SSBP3: variants seen among roughly 807,000 people sequenced by gnomAD.
SSBP3 encodes single-stranded DNA-binding protein 3.
SSBP3 carries 5 observed loss-of-function variants against 69.6 expected under a neutral mutation model. The ratio of observed to expected loss-of-function variants is 0.07; its 90% confidence interval spans 0.04 to 0.15. SSBP3 has a LOEUF of 0.15. Ranked by LOEUF, SSBP3 falls within the 10% of genes least tolerant of loss-of-function variation. The pLI is 1.00. For missense variants in SSBP3, 312 were observed against 534.0 expected (o/e 0.58, Z 4.10); for synonymous variants, 196 against 193.4 (o/e 1.01, Z -0.11).
intron 4 of SSBP3, among the ~76,000 whole-genome samples, chr1:54,358,035 A>C (rs935923198): frequency 1.3e-5 from 2 of 152,204 alleles, no homozygotes; most frequent in African/African-American, 4.8e-5. Context: ...CTGAGACAGC[A>C]CCTCAATAGC....
chr1:54,290,790 CAAGG>C (rs1645591078), intron 4 of SSBP3, among the ~76,000 whole-genome samples: 1 of 152,222 alleles, frequency 6.6e-6, no homozygotes, highest in Non-Finnish European at 1.5e-5. Context: ...GCATGCAAGA[CAAGG>C]AAGATTAAGG....
At chr1:54,341,980 G>C (rs1389940743) in intron 4 of SSBP3, among the ~76,000 whole-genome samples, 1 of 152,234 alleles carries the variant, frequency 6.6e-6, no homozygotes, top group Non-Finnish European at 1.5e-5. Flanking sequence ...GAGGAGGCTG[G>C]AGGGCAAAGT....
At position 54,242,905 on chromosome 1, in the gene SSBP3, G is replaced by A. The variant is rs571825168; in HGVS notation, c.716+330C>T. On this transcript the variant is annotated intron_variant, in intron 10 of 17. Coordinates refer to ENST00000610401, the Ensembl canonical transcript of SSBP3. ...GCGGAGATTGCAGTAAGCCAAGATT[G>A]TGCCACTGTACTCCAGCCTGGACAA... 4.3e-4 allele frequency: 97 copies of A among 225,158 alleles called. 3 individuals carry two copies. In the South Asian group the frequency reaches 0.011, roughly 26 times the overall value. The allele number at this position is 225,158 out of a possible 1,614,324, so 13.9% of individuals were successfully genotyped here.
intron 13 of SSBP3, among the ~76,000 whole-genome samples, chr1:54,240,044 TGGG>T (rs71867917): frequency 1.6e-4 from 21 of 132,460 alleles, no homozygotes; most frequent in East Asian, 8.4e-4. Flanking sequence ...ATAATTGTGA[TGGG>T]GTGTGTGTGT....
chr1:54,358,463 C>T (rs889027099), intron 4 of SSBP3, among the ~76,000 whole-genome samples: 1 of 152,190 alleles, frequency 6.6e-6, no homozygotes, highest in East Asian at 1.9e-4. Context: ...CTGGAAGCTT[C>T]GTGAGCAACT....
chr1:54,364,223 A>G (rs531785613), intron 4 of SSBP3, among the ~76,000 whole-genome samples: 1 of 152,334 alleles, frequency 6.6e-6, no homozygotes, highest in Non-Finnish European at 1.5e-5. Flanking sequence ...AGAGCTGAGT[A>G]GTTGCAAGAG....
At chr1:54,392,490 T>C (rs1399821929) in intron 4 of SSBP3, among the ~76,000 whole-genome samples, 2 of 152,208 alleles carry the variant, frequency 1.3e-5, no homozygotes, top group Non-Finnish European at 2.9e-5. Flanking sequence ...AGAAACAATA[T>C]TTGTGTTTAC....
intron 4 of SSBP3, chr1:54,356,623 G>T (rs893479022): frequency 6.6e-6 from 1 of 152,156 alleles, no homozygotes; most frequent in Non-Finnish European, 1.5e-5. Flanking sequence ...TCTGATGGGC[G>T]CCGTCTGCCA....
At chr1:54,236,622 CA>C (rs1644500476) in intron 14 of SSBP3, 1 of 152,156 alleles carries the variant, frequency 6.6e-6, no homozygotes, top group African/African-American at 2.4e-5. Flanking sequence ...AATGCATTTC[CA>C]AATTAGAGAA....
At chr1:54,289,020 CAAAAAAAAAAAAAAAACAAAAAAACAA>C (rs1323161773) in intron 4 of SSBP3, among the ~76,000 whole-genome samples, 11 of 43,920 alleles carry the variant, frequency 2.5e-4, no homozygotes, top group Non-Finnish European at 4.7e-4. Context: ...ACTCTGTCTC[CAAAAAAAAAAAAAAAACAAAAAAACAA>C]AAAAAAAAAA....
intron 4 of SSBP3, among the ~76,000 whole-genome samples, chr1:54,362,408 C>G (rs1392909460): frequency 6.6e-6 from 1 of 152,254 alleles, no homozygotes; most frequent in East Asian, 1.9e-4. Context: ...AAGAAAGGGC[C>G]TGGCAAAGAG....
intron 4 of SSBP3, among the ~76,000 whole-genome samples, chr1:54,368,222 C>T (rs1433523197): frequency 5.4e-5 from 8 of 148,026 alleles, no homozygotes; most frequent in East Asian, 2.0e-4. Flanking sequence ...GGCATGAACC[C>T]GGGAGGCGGA....
At chr1:54,329,887 A>C (rs988822041) in intron 4 of SSBP3, among the ~76,000 whole-genome samples, 6 of 152,090 alleles carry the variant, frequency 3.9e-5, no homozygotes, top group African/African-American at 1.2e-4. Flanking sequence ...CGGAGGGGAG[A>C]GGAACACTGG....
At position 54,250,504 on chromosome 1, in the gene SSBP3, G is replaced by A. The variant is rs1316077173; in HGVS notation, c.651+1112C>T. On this transcript the variant is annotated intron_variant, in intron 9 of 17. Coordinates refer to ENST00000610401, the Ensembl canonical transcript of SSBP3. ...AGGGCTGTGGTTCTGTGGGGCAGAC[G>A]CCTCTCCCTACAAAAGGGAGCACGT... Among the ~76,000 whole-genome samples the A allele has an allele frequency of 6.8e-5, 10 of 147,606 alleles. No individual in the cohort carries two copies. In the East Asian group the frequency reaches 1.4e-3, roughly 21 times the overall value.
rs1213503619 is a variant in SSBP3, at chr1:54,258,707, G to A, written c.367-558C>T. Among the ~76,000 whole-genome samples, 1 of 152,140 alleles carries A rather than the reference G, an allele frequency of 6.6e-6. No individual in the cohort carries two copies. Among genetic ancestry groups the A allele is most frequent in the African/African-American group, 2.4e-5 (1 of 41,414 alleles). On this transcript the variant is annotated intron_variant, in intron 5 of 17. Coordinates refer to ENST00000610401, the Ensembl canonical transcript of SSBP3. The surrounding 1 kb of genome is among the most constrained non-coding windows in gnomAD (Gnocchi z 4.5). ...GTTTCCTGGGGGCAGGAGGGCCGGG[G>A]GCACCGACAGATAAACAACAGAGGC...
intron 14 of SSBP3, among the ~76,000 whole-genome samples, chr1:54,230,861 CA>C (rs1275801678): frequency 1.3e-5 from 2 of 152,128 alleles, no homozygotes; most frequent in Admixed American, 6.5e-5. Context: ...TTCCTATGGT[CA>C]AAAAGTAGTC....
At chr1:54,349,391 C>T (rs1484707800) in intron 4 of SSBP3, among the ~76,000 whole-genome samples, 4 of 152,204 alleles carry the variant, frequency 2.6e-5, no homozygotes, top group Non-Finnish European at 5.9e-5. Flanking sequence ...TGCCGGGCAT[C>T]CAATGCCCTT....
At chr1:54,295,184 C>G (rs1645683682) in intron 4 of SSBP3, among the ~76,000 whole-genome samples, 1 of 152,140 alleles carries the variant, frequency 6.6e-6, no homozygotes, top group Admixed American at 6.5e-5. Flanking sequence ...AGACCAGGAT[C>G]CCTGCAGCTC....
chr1:54,235,115 T>C (rs1341984158), intron 14 of SSBP3, among the ~76,000 whole-genome samples: 1 of 152,178 alleles, frequency 6.6e-6, no homozygotes, highest in Admixed American at 6.5e-5. Flanking sequence ...GTTTTACTTA[T>C]AAGCACAGGT....
Sources: allele counts gnomAD v4.1 joint callset (sites outside exome capture counted in the v4.1 genomes callset), GRCh38; gene constraint gnomAD v4.1.1; non-coding constraint Gnocchi (gnomAD v3.1); transcripts MANE v1.5; gene names NCBI Gene and HGNC (gene_info 2026-07-23, HGNC 2026-07-21).